The following SCIN variants were observed in gnomAD, a reference collection of about 807,000 sequenced individuals.
SCIN encodes scinderin, also known as adseverin.
A neutral mutation model predicts 91.8 loss-of-function variants in SCIN; 91 were observed. That is an observed-to-expected ratio of 0.99 (90% CI 0.84 to 1.18). The LOEUF is 1.18. Among genes scored for constraint, SCIN ranks in the 50% most tolerant of loss-of-function variants. The pLI, the probability that SCIN is intolerant of heterozygous loss-of-function variation, is 0.00. For synonymous variants in SCIN, 367 were observed against 312.6 expected (o/e 1.17, Z -1.84); for missense variants, 1,087 against 863.9 (o/e 1.26, Z -3.24).
At position 12,651,815 on chromosome 7, in the gene SCIN, C is replaced by G. The variant is rs544473090; in HGVS notation, c.1960-26C>G. The G allele has an allele frequency of 1.2e-4, 174 of 1,437,748 alleles. No individual in the cohort carries two copies. The South Asian group carries it at 1.9e-3, about 16-fold the overall frequency. The allele number at this position is 1,437,748 out of a possible 1,614,324, so 89.1% of individuals were successfully genotyped here. A position where few individuals can be genotyped will look rare whatever the true frequency, so the allele number is the denominator to read the frequency against. On this transcript the variant is annotated intron_variant, in intron 14 of 15. Transcript: ENST00000297029. This position sits in a 1 kb window ranked among gnomAD's most constrained non-coding sequence, Gnocchi z 5.9. Reference sequence around the variant, plus strand: ...CTGAGTCAACATCCCAGAAATCATACATATTGTTATTGTTTCATTTTTCAG... The same window carrying G: ...CTGAGTCAACATCCCAGAAATCATAGATATTGTTATTGTTTCATTTTTCAG...
chr7:12,588,750 G>A (rs1355508042), intron 3 of SCIN, among the ~76,000 whole-genome samples: 6 of 145,126 alleles, frequency 4.1e-5, no homozygotes, highest in African/African-American at 1.5e-4. Flanking sequence ...GTAGTGCCTA[G>A]ATAAGGGTCC....
chr7:12,580,684 C>T (rs879919843), intron 2 of SCIN, among the ~76,000 whole-genome samples: 1 of 152,174 alleles, frequency 6.6e-6, no homozygotes, highest in African/African-American at 2.4e-5. Context: ...CTCTAGCCAC[C>T]TGTCACCTTC....
At chr7:12,604,775 C>G (rs1783038397) in intron 4 of SCIN, 112 bp downstream of exon 4, 1 of 829,838 alleles carries the variant, frequency 1.2e-6, no homozygotes, top group Admixed American at 2.7e-5. Context: ...GAAAGAGATT[C>G]AACACATGTT....
chr7:12,607,681 C>G (rs2115253889), intron 4 of SCIN, among the ~76,000 whole-genome samples: 1 of 152,260 alleles, frequency 6.6e-6, no homozygotes, highest in South Asian at 2.1e-4. Flanking sequence ...CTTTCACTCA[C>G]ACAATGAACT....
At chr7:12,571,757 G>T in intron 1 of SCIN, 1 of 236,556 alleles carries the variant, frequency 4.2e-6, no homozygotes, top group Non-Finnish European at 8.7e-6. Context: ...GAACAGAAAC[G>T]GCTCCTTCAG....
At chr7:12,623,533 G>T (rs926245765) in intron 5 of SCIN, among the ~76,000 whole-genome samples, 5 of 152,064 alleles carry the variant, frequency 3.3e-5, no homozygotes, top group African/African-American at 1.2e-4. Context: ...TTCTTTGTTT[G>T]TTTGTTTTTT....
chr7:12,613,273 A>C (rs958557937), intron 4 of SCIN, among the ~76,000 whole-genome samples: 1 of 152,132 alleles, frequency 6.6e-6, no homozygotes, highest in Non-Finnish European at 1.5e-5. Flanking sequence ...TTGTGCTAAG[A>C]CTCAGCTAAA....
intron 3 of SCIN, among the ~76,000 whole-genome samples, chr7:12,583,906 T>C (rs777951297): frequency 4.6e-5 from 7 of 152,168 alleles, no homozygotes; most frequent in Non-Finnish European, 7.3e-5. Context: ...TCTTTTCCCA[T>C]GCCTTGTAAA....
chr7:12,602,794 C>A (rs969924476), intron 3 of SCIN, among the ~76,000 whole-genome samples: 2 of 152,110 alleles, frequency 1.3e-5, no homozygotes, highest in African/African-American at 4.8e-5. Flanking sequence ...TTATTCTGTT[C>A]TTTTTCAAGG....
chr7:12,622,504 T>G (rs1783429834), intron 4 of SCIN, among the ~76,000 whole-genome samples: 1 of 152,108 alleles, frequency 6.6e-6, no homozygotes, highest in Admixed American at 6.6e-5. Flanking sequence ...TTTAATTAAT[T>G]CCTTCTAGCT....
chr7:12,630,004 G>A (rs1321224148), intron 9 of SCIN, among the ~76,000 whole-genome samples: 1 of 152,098 alleles, frequency 6.6e-6, no homozygotes, highest in Admixed American at 6.5e-5. Context: ...AATGTGGGCT[G>A]TGGGCGTAAG....
At chr7:12,591,609 G>A (rs1782724223) in intron 3 of SCIN, among the ~76,000 whole-genome samples, 1 of 152,144 alleles carries the variant, frequency 6.6e-6, no homozygotes, top group Non-Finnish European at 1.5e-5. Context: ...TGGAGTTTGT[G>A]GAAGCTGGGG....
rs1266882069 is a variant in SCIN, at chr7:12,629,116, A to G, written c.1213A>G (p.Asn405Asp). Reference protein sequence around the residue: ...SGKVEIWRVENNGRIQVDQNS... With the variant: ...SGKVEIWRVEDNGRIQVDQNS... ...TTCCTTCCAGATTTGGCGTGTAGAA[A>G]ACAATGGTAGGATCCAAGTTGACCA... The change falls in exon 9 of 16, where the codon AAC becomes GAC. Residue 405 changes from asparagine (N) to aspartate (D), a missense_variant. Physicochemically the swap from Asn to Asp is conservative, Grantham distance 23. Transcript: ENST00000297029. 6.2e-7 allele frequency: 1 copy of G among 1,612,098 alleles called. No homozygotes were observed. Among genetic ancestry groups the G allele is most frequent in the African/African-American group, 1.3e-5 (1 of 74,840 alleles).
chr7:12,613,194 A>G (rs1783232949), intron 4 of SCIN, among the ~76,000 whole-genome samples: 1 of 152,118 alleles, frequency 6.6e-6, no homozygotes, highest in African/African-American at 2.4e-5. Context: ...CACAATAGTG[A>G]TAATATATTT....
rs1406586305 is a variant in SCIN, at chr7:12,654,326, G to T, written c.*1611G>T. 6.6e-6 allele frequency: 1 copy of T among 152,140 alleles called. No individual in the cohort carries two copies. Among genetic ancestry groups the T allele is most frequent in the African/African-American group, 2.4e-5 (1 of 41,430 alleles). 9.4% of individuals were successfully genotyped at this position (152,140 alleles called of 1,614,324 possible). On this transcript the variant is annotated 3_prime_UTR_variant, in exon 16 of 16. Coordinates refer to ENST00000297029, the MANE Select transcript of SCIN (RefSeq NM_001112706.3). ...GCAGATAATGTGGCCGTCCAGGCAG[G>T]CATGAGATTTCTCAGCCTTACTTCA...
At chr7:12,616,893 T>G (rs1274620210) in intron 4 of SCIN, among the ~76,000 whole-genome samples, 1 of 152,182 alleles carries the variant, frequency 6.6e-6, no homozygotes, top group Non-Finnish European at 1.5e-5. Context: ...ACTCTTCTGC[T>G]GATTGCATAA....
At chr7:12,584,022 C>G (rs1782539268) in intron 3 of SCIN, among the ~76,000 whole-genome samples, 1 of 152,100 alleles carries the variant, frequency 6.6e-6, no homozygotes, top group African/African-American at 2.4e-5. Context: ...TGGTGAGAAT[C>G]AAGCACCAGA....
chr7:12,613,477 T>A (rs2115261020), intron 4 of SCIN, among the ~76,000 whole-genome samples: 1 of 152,300 alleles, frequency 6.6e-6, no homozygotes, highest in South Asian at 2.1e-4. Context: ...GCCATTCATA[T>A]CTCCTTAGTA....
At chr7:12,593,488 T>A (rs956974587) in intron 3 of SCIN, among the ~76,000 whole-genome samples, 1 of 152,102 alleles carries the variant, frequency 6.6e-6, no homozygotes, top group Non-Finnish European at 1.5e-5. Context: ...ATTGTGCACA[T>A]GTACCCTAAA....
Sources: allele counts gnomAD v4.1 joint callset (sites outside exome capture counted in the v4.1 genomes callset), GRCh38; gene constraint gnomAD v4.1.1; non-coding constraint Gnocchi (gnomAD v3.1); transcripts MANE v1.5; gene names NCBI Gene and HGNC (gene_info 2026-07-23, HGNC 2026-07-21).